Variants in RGSL1 observed in about 807,000 individuals in gnomAD.
RGSL1 encodes the protein regulator of G protein signaling protein-like.
Under a neutral mutation model 124.7 loss-of-function variants are expected in RGSL1, and 97 were observed. The observed-to-expected ratio is 0.78, with a 90% CI of 0.66 to 0.92. RGSL1 has a LOEUF of 0.92. Among genes scored for constraint, RGSL1 ranks in the 40% least tolerant of loss-of-function variants. The probability of loss-of-function intolerance (pLI) is 0.00; values close to 1 mark genes in which losing one functional copy is unlikely to be tolerated. For missense variants in RGSL1, 1,233 were observed against 1,288.4 expected (o/e 0.96, Z 0.66); for synonymous variants, 424 against 438.1 (o/e 0.97, Z 0.40).
intron 6 of RGSL1, among the ~76,000 whole-genome samples, chr1:182,486,712 G>C (rs564788152): frequency 6.6e-6 from 1 of 152,102 alleles, no homozygotes; most frequent in East Asian, 1.9e-4. Context: ...TTTCATTCTT[G>C]TCGCCCAGGC....
At chr1:182,458,859 G>A (rs1452134364) in intron 3 of RGSL1, among the ~76,000 whole-genome samples, 3 of 152,202 alleles carry the variant, frequency 2.0e-5, no homozygotes, top group African/African-American at 7.2e-5. Flanking sequence ...TAAAGCAGGT[G>A]AGTAGAACAG....
intron 19 of RGSL1, 62 bp from the exon 20 acceptor site, chr1:182,554,565 C>T (rs1350284313): frequency 6.8e-7 from 1 of 1,462,354 alleles, no homozygotes; most frequent in African/African-American, 1.4e-5. Flanking sequence ...GGGTGGAGGC[C>T]TTTCAGTGAC....
In RGSL1 at chr1:182,489,341, A is replaced by C. The variant is rs1488444844; in HGVS notation, c.1717+139A>C. ...CTAATTTGGTCATCAAAACAGCCTAAGAGGTAAGTACTAAGTAACTGAGGC... is the reference window on the plus strand; with the variant it reads ...CTAATTTGGTCATCAAAACAGCCTACGAGGTAAGTACTAAGTAACTGAGGC... On this transcript the variant is annotated intron_variant, in intron 8 of 21. Coordinates refer to ENST00000294854, the MANE Select transcript of RGSL1 (RefSeq NM_001137669.2). 6.9e-6 allele frequency: 5 copies of C among 725,534 alleles called. No homozygotes were observed. In the African/African-American group the frequency reaches 8.9e-5, roughly 13 times the overall value. The allele number at this position is 725,534 out of a possible 1,614,324, so 44.9% of individuals were successfully genotyped here.
At chr1:182,511,464 G>T (rs565182596) in intron 9 of RGSL1, among the ~76,000 whole-genome samples, 1 of 152,140 alleles carries the variant, frequency 6.6e-6, no homozygotes, top group Non-Finnish European at 1.5e-5. Context: ...GAGCCACCGC[G>T]CCTGTCCAGT....
At chr1:182,550,735 G>A (rs1480739509) in intron 17 of RGSL1, 7 of 198,082 alleles carry the variant, frequency 3.5e-5, no homozygotes, top group Admixed American at 5.7e-5. Flanking sequence ...CAGACACTCT[G>A]GCCATACCAG....
intron 9 of RGSL1, among the ~76,000 whole-genome samples, chr1:182,504,629 T>G (rs912568390): frequency 5.3e-5 from 8 of 152,036 alleles, no homozygotes; most frequent in African/African-American, 1.9e-4. Context: ...GGGGTTGGTG[T>G]TGTTTGTTTA....
intron 14 of RGSL1, among the ~76,000 whole-genome samples, chr1:182,536,981 C>A (rs1659589898): frequency 6.6e-6 from 1 of 152,104 alleles, no homozygotes; most frequent in East Asian, 1.9e-4. Flanking sequence ...GTATCTCTTG[C>A]CCATTTTTAA....
At chr1:182,481,487 C>T (rs141257141) in intron 6 of RGSL1, among the ~76,000 whole-genome samples, 2,158 of 152,224 alleles carry the variant, frequency 0.014, 45 homozygotes, top group African/African-American at 0.046. Flanking sequence ...GACAAGATGG[C>T]GTCACTGGTG....
chr1:182,499,312 C>G (rs565976079), intron 9 of RGSL1, among the ~76,000 whole-genome samples: 1 of 152,266 alleles, frequency 6.6e-6, no homozygotes, highest in South Asian at 2.1e-4. Context: ...GTCTAAGTCT[C>G]TTCGCAGGTC....
intron 9 of RGSL1, among the ~76,000 whole-genome samples, chr1:182,496,848 G>C (rs979444434): frequency 1.3e-5 from 2 of 151,716 alleles, no homozygotes; most frequent in African/African-American, 4.9e-5. Context: ...ATTTTGGAGA[G>C]GATGTCCAAA....
chr1:182,459,231 A>C (rs1652603784), intron 3 of RGSL1, among the ~76,000 whole-genome samples: 1 of 152,074 alleles, frequency 6.6e-6, no homozygotes, highest in Admixed American at 6.6e-5. Context: ...TTTTTCTCCC[A>C]ATTTTTTTCT....
At chr1:182,554,480 C>T (rs750766477) in intron 19 of RGSL1, 147 bp from the exon 20 acceptor site, 2 of 662,662 alleles carry the variant, frequency 3.0e-6, no homozygotes, top group Non-Finnish European at 5.4e-6. Context: ...ATCCCTGGAA[C>T]AGGCCTGCTT....
intron 15 of RGSL1, among the ~76,000 whole-genome samples, chr1:182,546,811 TAATTATAGC>T (rs1264453036): frequency 6.6e-6 from 1 of 152,254 alleles, no homozygotes; most frequent in Non-Finnish European, 1.5e-5. Context: ...CACAAGTTAC[TAATTATAGC>T]AATTATAGTT....
chr1:182,477,164 G>A (rs1654356480), intron 6 of RGSL1, among the ~76,000 whole-genome samples: 1 of 152,154 alleles, frequency 6.6e-6, no homozygotes. Flanking sequence ...TGGAGTTCAA[G>A]ACCAAGGAAA....
At chr1:182,536,181 T>C (rs551463791) in intron 14 of RGSL1, among the ~76,000 whole-genome samples, 2 of 152,324 alleles carry the variant, frequency 1.3e-5, no homozygotes, top group African/African-American at 4.8e-5. Context: ...CATAGCACAA[T>C]TTGTTTATTC....
At chr1:182,550,902 A>G in intron 17 of RGSL1, 198 bp from the exon 18 acceptor site, 1 of 573,228 alleles carries the variant, frequency 1.7e-6, no homozygotes, top group East Asian at 2.9e-5. Context: ...CCCGCGCTGG[A>G]GCCAGGTCTG....
chr1:182,454,600 G>A (rs893372644), intron 2 of RGSL1, among the ~76,000 whole-genome samples: 4 of 148,812 alleles, frequency 2.7e-5, no homozygotes, highest in African/African-American at 7.3e-5. Flanking sequence ...GTGTGTGTGT[G>A]TGTGTGTGTG....
intron 21 of RGSL1, among the ~76,000 whole-genome samples, chr1:182,559,702 G>T (rs1340100751): frequency 6.6e-6 from 1 of 152,128 alleles, no homozygotes. Context: ...AGGTTTCCAG[G>T]TTTATCTTTT....
At chr1:182,555,940 A>G in intron 20 of RGSL1, 84 bp from the exon 21 acceptor site, 1 of 1,274,036 alleles carries the variant, frequency 7.8e-7, no homozygotes, top group Non-Finnish European at 1.1e-6. Flanking sequence ...TTCCTAAAGG[A>G]AATGACAGTG....
Sources: gnomAD v4.1 joint callset for allele counts (sites outside exome capture counted in the v4.1 genomes callset) on GRCh38, gnomAD v4.1.1 for gene constraint, MANE v1.5 for transcripts, NCBI Gene and HGNC (gene_info 2026-07-23, HGNC 2026-07-21) for gene names.